Variants in CNTLN observed in about 807,000 individuals in gnomAD.
CNTLN encodes the protein centlein, also known as centlein, centrosomal protein.
A neutral mutation model predicts 180.0 loss-of-function variants in CNTLN; 212 were observed. The ratio of observed to expected loss-of-function variants is 1.18; its 90% CI spans 1.05 to 1.32. The LOEUF (loss-of-function observed/expected upper bound fraction) is 1.32, where lower values mean the gene tolerates loss of function less well. Among genes scored for constraint, CNTLN ranks in the 40% most tolerant of loss-of-function variants. The probability of loss-of-function intolerance (pLI) is 0.00; values close to 1 mark genes in which losing one functional copy is unlikely to be tolerated. For synonymous variants in CNTLN, 722 were observed against 563.1 expected (o/e 1.28, Z -3.99); for missense variants, 2,095 against 1,610.9 (o/e 1.30, Z -5.14).
At chr9:17,516,885 A>G in the CNTLN span, among the ~76,000 whole-genome samples, 1 of 152,232 alleles carries the variant, frequency 6.6e-6, no homozygotes, top group South Asian at 2.1e-4. Context: ...CCTAGTGCCT[A>G]TAACAGTGCC....
At chr9:17,412,432 G>A (rs1464153058) in intron 16 of CNTLN, among the ~76,000 whole-genome samples, 2 of 152,170 alleles carry the variant, frequency 1.3e-5, no homozygotes, top group Non-Finnish European at 2.9e-5. Context: ...TGGAGTTACA[G>A]ACAGTCCCCA....
chr9:17,152,519 G>A (rs2815181), intron 2 of CNTLN, among the ~76,000 whole-genome samples: 27,831 of 152,138 alleles, frequency 0.18, 2,614 homozygotes, highest in South Asian at 0.29. Context: ...ACTGTGGTCT[G>A]AGAGACTGTT....
At chr9:17,173,984 C>G (rs1160544095) in intron 2 of CNTLN, among the ~76,000 whole-genome samples, 1 of 152,182 alleles carries the variant, frequency 6.6e-6, no homozygotes, top group Non-Finnish European at 1.5e-5. Context: ...TCACTTCACT[C>G]TTTATGCTCC....
At chr9:17,358,560 CAA>C (rs1188545108) in intron 12 of CNTLN, among the ~76,000 whole-genome samples, 24 of 151,984 alleles carry the variant, frequency 1.6e-4, no homozygotes, top group Non-Finnish European at 5.9e-5. Context: ...TATCAAAAAT[CAA>C]AGTGATGAAT....
At position 17,333,107 on chromosome 9, in the gene CNTLN, A is replaced by G. The variant is rs192800325; in HGVS notation, c.1644+377A>G. Reference sequence around the variant, plus strand: ...TGAAAGTGAGTTTAAAAGCATATTAACCTAGCTCAGATCACTTACAATTAT... The same window carrying G: ...TGAAAGTGAGTTTAAAAGCATATTAGCCTAGCTCAGATCACTTACAATTAT... On this transcript the variant is annotated intron_variant, in intron 10 of 25. Transcript: ENST00000380647. Among the ~76,000 whole-genome samples the G allele has an allele frequency of 5.2e-3, 792 of 152,180 alleles. 5 individuals carry two copies. Among genetic ancestry groups the G allele is most frequent in the Admixed American group, 8.2e-3 (125 of 15,262 alleles).
intron 25 of CNTLN, chr9:17,495,004 G>T (rs1233769787): frequency 1.2e-5 from 5 of 433,290 alleles, no homozygotes; most frequent in African/African-American, 2.1e-5. Context: ...TCAGCCTCCT[G>T]AGTAGCTGGG....
the CNTLN span, among the ~76,000 whole-genome samples, chr9:17,526,850 CTTTT>C: frequency 1.3e-5 from 2 of 149,054 alleles, no homozygotes; most frequent in African/African-American, 2.5e-5. Flanking sequence ...CCTAATCTCT[CTTTT>C]TTTTTTGAGG....
intron 5 of CNTLN, among the ~76,000 whole-genome samples, chr9:17,266,277 G>T (rs973183836): frequency 6.6e-6 from 1 of 152,084 alleles, no homozygotes; most frequent in Non-Finnish European, 1.5e-5. Flanking sequence ...CTTTATTTCT[G>T]CCTTCATTTC....
At chr9:17,435,808 C>A (rs1275145194) in intron 18 of CNTLN, among the ~76,000 whole-genome samples, 1 of 152,084 alleles carries the variant, frequency 6.6e-6, no homozygotes, top group Admixed American at 6.5e-5. Flanking sequence ...GGTGATCCAC[C>A]CGTCTTGGCC....
intron 2 of CNTLN, among the ~76,000 whole-genome samples, chr9:17,198,934 G>A (rs1490562329): frequency 1.3e-5 from 2 of 152,102 alleles, no homozygotes; most frequent in Non-Finnish European, 2.9e-5. Context: ...TATCATTGAT[G>A]TGCATTTAGG....
At chr9:17,258,073 A>G (rs1244514287) in intron 5 of CNTLN, among the ~76,000 whole-genome samples, 1 of 150,508 alleles carries the variant, frequency 6.6e-6, no homozygotes, top group East Asian at 1.9e-4. Flanking sequence ...CCTGAATGGT[A>G]TTGCCTAGGT....
chr9:17,344,080 TTAGTTGAGAGACC>T (rs1821693874), intron 12 of CNTLN, among the ~76,000 whole-genome samples: 1 of 152,190 alleles, frequency 6.6e-6, no homozygotes, highest in Admixed American at 6.5e-5. Context: ...ATAAAGTGAA[TTAGTTGAGAGACC>T]TAATCTAACT....
At chr9:17,480,671 G>A (rs10756885) in intron 23 of CNTLN, among the ~76,000 whole-genome samples, 112,917 of 152,060 alleles carry the variant, frequency 0.74, 45,963 homozygotes, top group Non-Finnish European at 0.89. Flanking sequence ...TATCTGCCTC[G>A]AATATGGTGT....
intron 1 of CNTLN, among the ~76,000 whole-genome samples, chr9:17,135,716 C>A (rs555339936): frequency 1.3e-5 from 2 of 152,338 alleles, no homozygotes; most frequent in East Asian, 1.9e-4. Flanking sequence ...CCGCTTCCCC[C>A]CCAAGCCCAA....
chr9:17,355,562 T>G (rs1214224435), intron 12 of CNTLN, among the ~76,000 whole-genome samples: 1 of 152,220 alleles, frequency 6.6e-6, no homozygotes, highest in African/African-American at 2.4e-5. Flanking sequence ...TTTAATAGTT[T>G]TAACTCTTAT....
chr9:17,502,463 A>T, intron 25 of CNTLN, 88 bp from the exon 26 acceptor site: 3 of 624,750 alleles, frequency 4.8e-6, no homozygotes, highest in Admixed American at 4.2e-5. Flanking sequence ...GCAGACATCT[A>T]ACTTCTAATG....
intron 15 of CNTLN, among the ~76,000 whole-genome samples, chr9:17,401,516 C>G (rs1356445609): frequency 6.7e-6 from 1 of 148,384 alleles, no homozygotes; most frequent in African/African-American, 2.6e-5. Flanking sequence ...GAGACTACAG[C>G]ACGTGCTACC....
intron 13 of CNTLN, among the ~76,000 whole-genome samples, chr9:17,381,035 T>C (rs1043076841): frequency 3.3e-5 from 5 of 152,214 alleles, no homozygotes; most frequent in African/African-American, 1.2e-4. Context: ...TCTTATTAAA[T>C]ACAGCCAACA....
At chr9:17,432,807 G>A (rs1829493652) in intron 18 of CNTLN, among the ~76,000 whole-genome samples, 1 of 152,074 alleles carries the variant, frequency 6.6e-6, no homozygotes, top group South Asian at 2.1e-4. Context: ...ATCACCTGAG[G>A]TCATGAGTTC....
Sources: gnomAD v4.1 joint callset for allele counts (sites outside exome capture counted in the v4.1 genomes callset) on GRCh38, gnomAD v4.1.1 for gene constraint, MANE v1.5 for transcripts, NCBI Gene and HGNC (gene_info 2026-07-23, HGNC 2026-07-21) for gene names.